The following INPP4B variants were observed in gnomAD, a reference collection of about 807,000 sequenced individuals.
INPP4B encodes inositol polyphosphate-4-phosphatase type II B, also known as inositol polyphosphate 4-phosphatase type II.
In INPP4B, 55 loss-of-function variants were observed where a neutral mutation model predicts 122.5. The observed-to-expected ratio is 0.45, with a 90% confidence interval of 0.36 to 0.56. INPP4B has a LOEUF of 0.56. Among genes scored for constraint, INPP4B ranks in the 20% least tolerant of loss-of-function variants. INPP4B has a pLI of 0.00. For synonymous variants in INPP4B, 403 were observed against 388.7 expected (o/e 1.04, Z -0.43); for missense variants, 1,000 against 1,097.7 (o/e 0.91, Z 1.26).
chr4:142,652,391 A>G (rs1418529293), intron 2 of INPP4B, among the ~76,000 whole-genome samples: 1 of 152,180 alleles, frequency 6.6e-6, no homozygotes, highest in Non-Finnish European at 1.5e-5. Context: ...CAAGAGAAAG[A>G]AATTTGGGTA....
chr4:142,587,694 A>G (rs1278618793), intron 2 of INPP4B, among the ~76,000 whole-genome samples: 1 of 151,786 alleles, frequency 6.6e-6, no homozygotes, highest in African/African-American at 2.4e-5. Context: ...ATCCTATTAT[A>G]CTCTTTTAGT....
intron 2 of INPP4B, among the ~76,000 whole-genome samples, chr4:142,609,405 A>G (rs1742001177): frequency 6.6e-6 from 1 of 152,044 alleles, no homozygotes; most frequent in South Asian, 2.1e-4. Flanking sequence ...TGTGCACATA[A>G]GTAAATGTGA....
chr4:142,287,938 G>A (rs1257211077), intron 9 of INPP4B, among the ~76,000 whole-genome samples: 2 of 152,178 alleles, frequency 1.3e-5, no homozygotes, highest in Admixed American at 6.5e-5. Context: ...TCTCTTCCTG[G>A]CTTGCCAGTG....
intron 1 of INPP4B, among the ~76,000 whole-genome samples, chr4:142,739,630 C>T (rs1466284420): frequency 1.3e-5 from 2 of 151,858 alleles, no homozygotes; most frequent in Admixed American, 6.6e-5. Flanking sequence ...CCCACGCATC[C>T]CACAAAGACA....
At chr4:142,838,200 A>C (rs6811022) in intron 1 of INPP4B, among the ~76,000 whole-genome samples, 70,693 of 151,876 alleles carry the variant, frequency 0.47, 18,969 homozygotes, top group African/African-American at 0.74. Flanking sequence ...ACACATATCT[A>C]AACTTATATG....
intron 1 of INPP4B, among the ~76,000 whole-genome samples, chr4:142,770,179 G>A (rs1179217462): frequency 6.6e-6 from 1 of 152,092 alleles, no homozygotes; most frequent in Non-Finnish European, 1.5e-5. Flanking sequence ...CTAGTTGGTT[G>A]GTTGGTTTAC....
intron 2 of INPP4B, among the ~76,000 whole-genome samples, chr4:142,505,220 C>G (rs1292440442): frequency 6.9e-6 from 1 of 145,770 alleles, no homozygotes; most frequent in African/African-American, 2.6e-5. Flanking sequence ...GCCTGGGTGA[C>G]AGAGAGAGAC....
intron 7 of INPP4B, among the ~76,000 whole-genome samples, chr4:142,342,149 C>T (rs746119736): frequency 9.9e-5 from 15 of 152,058 alleles, no homozygotes; most frequent in Non-Finnish European, 1.6e-4. Context: ...AGAGTAGTTG[C>T]GAGCATTTAA....
chr4:142,065,589 G>C (rs1047827582), intron 25 of INPP4B, among the ~76,000 whole-genome samples: 1 of 152,150 alleles, frequency 6.6e-6, no homozygotes. Context: ...AAATGAAAGA[G>C]AGCATTCACA....
chr4:142,537,423 T>TAGAG (rs1476285253), intron 2 of INPP4B, among the ~76,000 whole-genome samples: 28 of 47,980 alleles, frequency 5.8e-4, no homozygotes, highest in African/African-American at 1.8e-3. Context: ...TATATATATA[T>TAGAG]ATATATAGAG....
chr4:142,084,840 A>C lies in INPP4B; in HGVS notation c.2487+1304T>G, dbSNP rs565220814. Among the ~76,000 whole-genome samples the C allele has an allele frequency of 4.6e-5, 7 of 152,352 alleles. No individual in the cohort carries two copies. The South Asian group carries it at 1.4e-3, about 32-fold the overall frequency. ...CTATTTACATAACTTCACAATGTAC[A>C]TAATGACACATTTATATGTTTGTAA... On this transcript the variant is annotated intron_variant, in intron 24 of 25. Coordinates refer to ENST00000262992, the MANE Select transcript of INPP4B (RefSeq NM_001101669.3).
intron 2 of INPP4B, among the ~76,000 whole-genome samples, chr4:142,516,950 T>C (rs1825492084): frequency 6.6e-6 from 1 of 152,036 alleles, no homozygotes; most frequent in Admixed American, 6.6e-5. Context: ...CACCACGGTC[T>C]ATTATTTTCC....
At chr4:142,102,193 A>C (rs1784772863) in intron 23 of INPP4B, among the ~76,000 whole-genome samples, 2 of 152,048 alleles carry the variant, frequency 1.3e-5, no homozygotes, top group Admixed American at 1.3e-4. Context: ...AGATAAATTG[A>C]AATACTAAAA....
At chr4:142,838,354 TAGAG>T (rs1245863946) in intron 1 of INPP4B, among the ~76,000 whole-genome samples, 2 of 150,850 alleles carry the variant, frequency 1.3e-5, no homozygotes, top group African/African-American at 4.9e-5. Context: ...ATCAGAAAAA[TAGAG>T]AGTAGGAAAA....
At chr4:142,641,097 TAC>T (rs1225709628) in intron 2 of INPP4B, among the ~76,000 whole-genome samples, 11 of 152,032 alleles carry the variant, frequency 7.2e-5, no homozygotes, top group Admixed American at 7.2e-4. Context: ...TAAATGCACA[TAC>T]ACGAGCCCCA....
At chr4:142,089,102 C>G (rs1461906872) in intron 23 of INPP4B, among the ~76,000 whole-genome samples, 2 of 152,080 alleles carry the variant, frequency 1.3e-5, no homozygotes, top group South Asian at 4.2e-4. Context: ...TTCAGAATGT[C>G]CTTGGAGTGG....
intron 18 of INPP4B, among the ~76,000 whole-genome samples, chr4:142,144,887 T>C (rs990418856): frequency 6.6e-6 from 1 of 152,084 alleles, no homozygotes; most frequent in Non-Finnish European, 1.5e-5. Context: ...AAATCTAATT[T>C]TATAAATGTT....
At chr4:142,568,076 T>C (rs928692927) in intron 2 of INPP4B, among the ~76,000 whole-genome samples, 1 of 152,130 alleles carries the variant, frequency 6.6e-6, no homozygotes, top group African/African-American at 2.4e-5. Context: ...AGGCTGAACC[T>C]TTCCCCTCTG....
chr4:142,137,752 A>G (rs1379984835), intron 18 of INPP4B, among the ~76,000 whole-genome samples: 2 of 151,316 alleles, frequency 1.3e-5, no homozygotes, highest in East Asian at 3.9e-4. Flanking sequence ...TCTCAAAAGA[A>G]GACATTTATG....
Sources: gnomAD v4.1 joint callset for allele counts (sites outside exome capture counted in the v4.1 genomes callset) on GRCh38, gnomAD v4.1.1 for gene constraint, MANE v1.5 for transcripts, NCBI Gene and HGNC (gene_info 2026-07-23, HGNC 2026-07-21) for gene names.